The following DMXL2 variants were observed in gnomAD, a reference collection of about 807,000 sequenced individuals.
The protein encoded by DMXL2 is dmX-like protein 2.
In DMXL2, 103 loss-of-function variants were observed where a neutral mutation model predicts 331.1. The ratio of observed to expected loss-of-function variants is 0.31; its 90% CI spans 0.27 to 0.37. DMXL2 has a LOEUF of 0.37. Ranked by LOEUF, DMXL2 falls within the 10% of genes least tolerant of loss-of-function variation. DMXL2 has a pLI of 1.00. For missense variants in DMXL2, 3,171 were observed against 3,642.9 expected, an observed-to-expected ratio of 0.87 and a Z score of 3.33; for synonymous variants, 1,281 against 1,252.1, an observed-to-expected ratio of 1.02 and a Z score of -0.49.
rs944839262 is a variant in DMXL2 at position 51,449,130 on chromosome 15, T to C, written c.9031A>G (p.Ile3011Val). The change falls in exon 44 of 44, where the codon ATA becomes GTA. Residue 3011 changes from isoleucine to valine, a missense_variant. Ile to Val is a conservative substitution (Grantham distance 29). Coordinates refer to ENST00000560891, the MANE Select transcript of DMXL2 (RefSeq NM_001378457.1). ...SFKSEHAKQSIFRNIGAGVMQ... is the reference protein window; with the variant it reads ...SFKSEHAKQSVFRNIGAGVMQ... The stretch of plus-strand genomic sequence containing the variant: ...ACTCCAGCCCCAATGTTTCGAAATA[T>C]GGACTGCTTAGCATGTTCACTTTTA... The C allele has an allele frequency of 2.5e-6, 4 of 1,614,192 alleles. No homozygotes were observed. Among genetic ancestry groups the C allele is most frequent in the South Asian group, 2.2e-5 (2 of 91,086 alleles).
At chr15:51,486,362 A>G in intron 22 of DMXL2, 25 bp from the exon 23 acceptor site, 1 of 1,457,328 alleles carries the variant, frequency 6.9e-7, no homozygotes, top group Non-Finnish European at 9.5e-7. Context: ...ATTAATACTT[A>G]TCTTACTTAA....
chr15:51,539,141 T>C (rs1407460228), intron 9 of DMXL2, among the ~76,000 whole-genome samples: 1 of 149,330 alleles, frequency 6.7e-6, no homozygotes, highest in Non-Finnish European at 1.5e-5. Context: ...ACCCGGGAGG[T>C]AGAGGTTGCA....
At chr15:51,475,040 A>G (rs574216439) in intron 27 of DMXL2, among the ~76,000 whole-genome samples, 2 of 152,362 alleles carry the variant, frequency 1.3e-5, no homozygotes, top group African/African-American at 4.8e-5. Flanking sequence ...TAACTTTACA[A>G]TGGAGAAACT....
intron 21 of DMXL2, 127 bp from the exon 22 acceptor site, chr15:51,488,246 A>G (rs531633117): frequency 7.1e-5 from 66 of 925,676 alleles, no homozygotes; most frequent in Non-Finnish European, 9.9e-5. Context: ...AAGGACAGGC[A>G]TTTGTTATCA....
chr15:51,461,552 G>C (rs1240154484), intron 33 of DMXL2, among the ~76,000 whole-genome samples: 1 of 152,152 alleles, frequency 6.6e-6, no homozygotes, highest in Non-Finnish European at 1.5e-5. Context: ...TAATTGACCA[G>C]AAATCTTATT....
intron 15 of DMXL2, among the ~76,000 whole-genome samples, chr15:51,509,899 A>G (rs916278307): frequency 1.3e-5 from 2 of 152,234 alleles, no homozygotes; most frequent in Non-Finnish European, 2.9e-5. Context: ...AGGCTGGTTC[A>G]ACGTACACAA....
intron 6 of DMXL2, among the ~76,000 whole-genome samples, chr15:51,549,630 TG>T (rs1490480721): frequency 1.3e-5 from 2 of 152,132 alleles, no homozygotes; most frequent in African/African-American, 4.8e-5. Flanking sequence ...TATTATTTTT[TG>T]GTTTTTTGAT....
At position 51,474,508 on chromosome 15, in the gene DMXL2, A is replaced by G. The variant is rs756247411; in HGVS notation, c.7049T>C (p.Val2350Ala). 1 of 1,614,158 alleles carries G rather than the reference A, an allele frequency of 6.2e-7. No homozygotes were observed. ...TATCAATAAACTTAAGTAAACAGCA[A>G]CAACAGCTTCACATAGCAAAATGTT... ...KLNILLCEAV[V>A]AVYLSLLIHA... The change falls in exon 28 of 44, where the codon GTT becomes GCT. Residue 2350 changes from valine (V) to alanine (A), a missense_variant. By Grantham distance (64) the Val-to-Ala change is moderately conservative. Around this residue, in one of 7 missense-constraint regions of DMXL2, gnomAD observed 766 missense variants for 940.5 expected, o/e 0.81. Coordinates refer to ENST00000560891, the MANE Select transcript of DMXL2 (RefSeq NM_001378457.1).
intron 1 of DMXL2, among the ~76,000 whole-genome samples, chr15:51,580,696 G>C (rs2051349227): frequency 6.6e-6 from 1 of 152,110 alleles, no homozygotes; most frequent in South Asian, 2.1e-4. Context: ...GGGAGGATTT[G>C]TTTTATAAAA....
intron 42 of DMXL2, among the ~76,000 whole-genome samples, chr15:51,451,186 G>C (rs2039102627): frequency 6.6e-6 from 1 of 152,164 alleles, no homozygotes; most frequent in Non-Finnish European, 1.5e-5. Flanking sequence ...CCAGTACTTA[G>C]GGAGGTAGAG....
chr15:51,465,506 G>C (rs1473696508), intron 31 of DMXL2, 60 bp downstream of exon 31: 16 of 1,243,828 alleles, frequency 1.3e-5, no homozygotes, highest in Non-Finnish European at 1.8e-5. Context: ...ATTTTGTAAA[G>C]AGAAACTTGA....
intron 11 of DMXL2, among the ~76,000 whole-genome samples, chr15:51,537,213 A>C (rs1433004695): frequency 6.6e-6 from 1 of 152,206 alleles, no homozygotes; most frequent in African/African-American, 2.4e-5. Context: ...TAGTTTCTTA[A>C]TCTTATTCAA....
At chr15:51,590,263 T>G (rs2052193181) in intron 1 of DMXL2, among the ~76,000 whole-genome samples, 1 of 152,224 alleles carries the variant, frequency 6.6e-6, no homozygotes, top group African/African-American at 2.4e-5. Context: ...ATGTAGCAGG[T>G]ATTAACAGGC....
intron 19 of DMXL2, among the ~76,000 whole-genome samples, chr15:51,492,973 T>C (rs1204234244): frequency 6.6e-6 from 1 of 152,212 alleles, no homozygotes; most frequent in African/African-American, 2.4e-5. Flanking sequence ...ATAAAAACTA[T>C]TATGATTATT....
At chr15:51,501,851 C>T (rs538966951) in intron 17 of DMXL2, among the ~76,000 whole-genome samples, 74 of 146,928 alleles carry the variant, frequency 5.0e-4, no homozygotes, top group Middle Eastern at 3.8e-3. Context: ...ACCTGGGAGG[C>T]GAAGCTTGCA....
chr15:51,502,310 G>GTC (rs945660543), intron 17 of DMXL2, among the ~76,000 whole-genome samples: 53 of 149,814 alleles, frequency 3.5e-4, no homozygotes, highest in African/African-American at 1.3e-3. Flanking sequence ...GTGGGTTTGT[G>GTC]TGTGTGTGTG....
chr15:51,537,279 T>C (rs1051036832), intron 11 of DMXL2, among the ~76,000 whole-genome samples: 10 of 152,202 alleles, frequency 6.6e-5, no homozygotes, highest in Non-Finnish European at 1.5e-4. Flanking sequence ...CAGTACTGCA[T>C]TTCAAGGCCA....
chr15:51,572,803 T>C (rs934858917), intron 2 of DMXL2, among the ~76,000 whole-genome samples: 2 of 152,176 alleles, frequency 1.3e-5, no homozygotes, highest in Admixed American at 1.3e-4. Context: ...ATAAGAGCTA[T>C]TTATGACAAA....
intron 13 of DMXL2, among the ~76,000 whole-genome samples, chr15:51,521,983 T>C (rs1746310108): frequency 6.6e-6 from 1 of 152,196 alleles, no homozygotes; most frequent in African/African-American, 2.4e-5. Flanking sequence ...TATACCACCC[T>C]ATCTTTCATC....
Sources: gnomAD v4.1 joint callset for allele counts (sites outside exome capture counted in the v4.1 genomes callset) on GRCh38, gnomAD v4.1.1 for gene constraint, gnomAD v4.1.1 regional missense constraint, MANE v1.5 for transcripts, NCBI Gene and HGNC (gene_info 2026-07-23, HGNC 2026-07-21) for gene names.